ASIC2: variants seen among roughly 807,000 people sequenced by gnomAD.
The protein encoded by ASIC2 is acid sensing ion channel subunit 2, also known as acid-sensing ion channel 2.
Under a neutral mutation model 57.3 loss-of-function variants are expected in ASIC2, and 25 were observed. The ratio of observed to expected loss-of-function variants is 0.44; its 90% CI spans 0.32 to 0.61. ASIC2 has a LOEUF of 0.61. ASIC2 is among the 20% of genes least tolerant of loss of function. The pLI is 0.06. For missense variants in ASIC2, 641 were observed against 738.1 expected (o/e 0.87, Z 1.52); for synonymous variants, 319 against 307.5 (o/e 1.04, Z -0.39).
rs79970858 is a variant in ASIC2 at position 34,059,511 on chromosome 17, C to T, written c.555+96467G>A. 5.3e-4 allele frequency among the ~76,000 whole-genome samples: 81 copies of T among 152,160 alleles called. No homozygotes were observed. The East Asian group carries it at 0.014, about 27-fold the overall frequency. ...CTCCTGGCCAGAACTCAGGGCAGGG[C>T]GCAAATTGGGCGTGCAGACTTCATA... is the stretch of plus-strand genomic sequence containing the variant. On this transcript the variant is annotated intron_variant, in intron 1 of 9. Coordinates refer to the ASIC2 transcript ENST00000359872.
At chr17:33,150,849 C>CAAAAAAAAAA (rs61602373) in intron 1 of ASIC2, among the ~76,000 whole-genome samples, 3 of 18,916 alleles carry the variant, frequency 1.6e-4, no homozygotes, top group Admixed American at 6.0e-4. Flanking sequence ...GACTCCGTCT[C>CAAAAAAAAAA]AAAAAAAAAA....
intron 1 of ASIC2, among the ~76,000 whole-genome samples, chr17:33,123,587 GT>G (rs1229864018): frequency 1.3e-5 from 2 of 152,140 alleles, no homozygotes; most frequent in Non-Finnish European, 2.9e-5. Flanking sequence ...TGCCTGCTTG[GT>G]TTTCCTGTGG....
chr17:33,058,452 T>C (rs1039798159), intron 3 of ASIC2, among the ~76,000 whole-genome samples: 9 of 147,048 alleles, frequency 6.1e-5, no homozygotes, highest in African/African-American at 2.1e-4. Flanking sequence ...CCACTGTTTT[T>C]TCTCCCTTCT....
intron 1 of ASIC2, among the ~76,000 whole-genome samples, chr17:33,976,290 C>T (rs1221303405): frequency 6.6e-6 from 1 of 152,052 alleles, no homozygotes; most frequent in East Asian, 1.9e-4. Context: ...CAGTCTCAGA[C>T]TTCTGGTTGT....
intron 1 of ASIC2, among the ~76,000 whole-genome samples, chr17:33,842,486 A>C (rs1913468543): frequency 6.6e-6 from 1 of 152,218 alleles, no homozygotes; most frequent in Non-Finnish European, 1.5e-5. Flanking sequence ...AAAACTGCAA[A>C]TATCCAGGAG....
At chr17:33,872,035 G>A (rs1312420569) in intron 1 of ASIC2, among the ~76,000 whole-genome samples, 4 of 152,004 alleles carry the variant, frequency 2.6e-5, no homozygotes, top group Non-Finnish European at 4.4e-5. Flanking sequence ...AGGCCCCTCC[G>A]CCACCCTACC....
chr17:33,860,590 T>C (rs1402636111), intron 1 of ASIC2, among the ~76,000 whole-genome samples: 1 of 152,170 alleles, frequency 6.6e-6, no homozygotes, highest in Non-Finnish European at 1.5e-5. Flanking sequence ...ATAGGCTGAG[T>C]AATTCCTCAA....
intron 1 of ASIC2, among the ~76,000 whole-genome samples, chr17:33,921,485 A>C (rs1915707926): frequency 6.6e-6 from 1 of 152,144 alleles, no homozygotes; most frequent in African/African-American, 2.4e-5. Context: ...AACAGACCAT[A>C]TATTTCCAAG....
At chr17:33,792,874 T>A (rs1285448237) in intron 1 of ASIC2, 1 of 152,152 alleles carries the variant, frequency 6.6e-6, no homozygotes, top group Non-Finnish European at 1.5e-5. Flanking sequence ...CTGAGACCTT[T>A]GGCAAATTCA....
At chr17:33,217,554 G>T (rs960425586) in intron 1 of ASIC2, among the ~76,000 whole-genome samples, 1 of 152,098 alleles carries the variant, frequency 6.6e-6, no homozygotes, top group Non-Finnish European at 1.5e-5. Flanking sequence ...TGTGCTGAAC[G>T]CCTTTAAACA....
intron 1 of ASIC2, among the ~76,000 whole-genome samples, chr17:33,130,215 GTA>G (rs1221585987): frequency 2.0e-5 from 3 of 152,040 alleles, no homozygotes; most frequent in Non-Finnish European, 4.4e-5. Flanking sequence ...GCAGGTCAAT[GTA>G]CATGAATTTT....
chr17:33,881,453 C>T (rs1219165441), intron 1 of ASIC2, among the ~76,000 whole-genome samples: 2 of 152,166 alleles, frequency 1.3e-5, no homozygotes, highest in Non-Finnish European at 2.9e-5. Flanking sequence ...CACAAGCATT[C>T]TTATACACCA....
At position 33,014,009 on chromosome 17, in the gene ASIC2, GC is replaced by G. The variant is rs1258525892; in HGVS notation, c.1647del (p.Leu551CysfsTer62). The part of the protein sequence containing the change: ...HSETISHTVN[V>X]PLQTTLGTLE... Reference sequence around the variant, plus strand: ...AAGGTCCCCAGGGTCGTCTGCAGGGGCACGTTCACAGTGTGACTGATGGTTT... The same window carrying G: ...AAGGTCCCCAGGGTCGTCTGCAGGGGACGTTCACAGTGTGACTGATGGTTT... On this transcript the variant is annotated frameshift_variant, in exon 10 of 10. Transcript: ENST00000225823. LOFTEE classifies it high-confidence loss of function. 3 of 1,604,808 alleles carry G rather than the reference GC, an allele frequency of 1.9e-6. No individual in the cohort carries two copies. Among genetic ancestry groups the G allele is most frequent in the Non-Finnish European group, 2.6e-6 (3 of 1,175,536 alleles).
chr17:33,045,639 A>AG (rs1364708242), intron 3 of ASIC2, among the ~76,000 whole-genome samples: 89 of 152,134 alleles, frequency 5.9e-4, no homozygotes, highest in African/African-American at 2.1e-3. Flanking sequence ...GGCCAGGGTC[A>AG]TGGCGGGGGC....
intron 1 of ASIC2, among the ~76,000 whole-genome samples, chr17:34,014,428 G>T (rs1175027104): frequency 2.0e-5 from 3 of 152,182 alleles, no homozygotes; most frequent in Non-Finnish European, 4.4e-5. Flanking sequence ...GCCACCATCA[G>T]GAGCTCGAGA....
intron 1 of ASIC2, chr17:33,932,741 A>AAAAATATATATATATATATATATAT (rs1555572867): frequency 1.7e-5 from 1 of 58,708 alleles, no homozygotes; most frequent in Non-Finnish European, 3.1e-5. Context: ...AAAAAAAAAA[A>AAAAATATATATATATATATATATAT]ATATATATAT....
intron 1 of ASIC2, among the ~76,000 whole-genome samples, chr17:33,198,160 G>A (rs945348345): frequency 6.6e-6 from 1 of 152,118 alleles, no homozygotes; most frequent in South Asian, 2.1e-4. Context: ...GACCATCCTG[G>A]GCAAAATGGT....
At chr17:33,477,229 A>G (rs926575731) in intron 1 of ASIC2, among the ~76,000 whole-genome samples, 1 of 152,054 alleles carries the variant, frequency 6.6e-6, no homozygotes, top group Admixed American at 6.5e-5. Flanking sequence ...AATATCACCA[A>G]ATTTCTCCCC....
rs117090820 is a variant in ASIC2 at position 33,955,786 on chromosome 17, A to C, written c.555+200192T>G. On this transcript the variant is annotated intron_variant, in intron 1 of 9. Coordinates refer to the ASIC2 transcript ENST00000359872. ...CAACGTCCTGCATTTTAATAATCCC[A>C]ACTGCTTATGTTTTTTCCTCCAGCC... 2.8e-4 allele frequency among the ~76,000 whole-genome samples: 42 copies of C among 152,046 alleles called. No homozygotes were observed. The East Asian group carries it at 7.8e-3, about 28-fold the overall frequency.
Sources: gnomAD v4.1 joint callset for allele counts (sites outside exome capture counted in the v4.1 genomes callset) on GRCh38, gnomAD v4.1.1 for gene constraint, MANE v1.5 for transcripts, NCBI Gene and HGNC (gene_info 2026-07-23, HGNC 2026-07-21) for gene names.